The following ARIH2 variants were observed in gnomAD, a reference collection of about 807,000 sequenced individuals.
ARIH2 encodes the protein E3 ubiquitin-protein ligase ARIH2.
ARIH2 carries 12 observed loss-of-function variants against 79.8 expected under a neutral mutation model. The observed-to-expected ratio is 0.15, with a 90% CI of 0.10 to 0.24. The LOEUF (loss-of-function observed/expected upper bound fraction) is 0.24, where lower values mean the gene tolerates loss of function less well. Among genes scored for constraint, ARIH2 ranks in the 10% least tolerant of loss-of-function variants. The probability of loss-of-function intolerance (pLI) is 1.00; values close to 1 mark genes in which losing one functional copy is unlikely to be tolerated. For synonymous variants in ARIH2, 224 were observed against 213.9 expected (o/e 1.05, Z -0.41); for missense variants, 301 against 618.3 (o/e 0.49, Z 5.44).
At chr3:48,970,570 T>C (rs1224968550) in intron 7 of ARIH2, 25 bp from the exon 8 acceptor site, 1 of 1,506,136 alleles carries the variant, frequency 6.6e-7, no homozygotes, top group African/African-American at 1.4e-5. Flanking sequence ...GATGTCCTCA[T>C]TGTTTCCTCT....
intron 3 of ARIH2, among the ~76,000 whole-genome samples, chr3:48,959,702 A>G (rs912756800): frequency 2.0e-5 from 3 of 151,068 alleles, no homozygotes; most frequent in Admixed American, 6.6e-5. Context: ...GGCAGCATGC[A>G]CGGGTCAGAT....
chr3:48,934,222 T>G, intron 3 of ARIH2: 2 of 377,378 alleles, frequency 5.3e-6, no homozygotes, highest in Non-Finnish European at 7.3e-6. Context: ...ACGTGATCAA[T>G]TGGTGTTCAT....
chr3:48,972,888 C>A lies in ARIH2; in HGVS notation c.771-811C>A, dbSNP rs191482562. On this transcript the variant is annotated intron_variant, in intron 8 of 15. Transcript: ENST00000356401. ...TAGCACTACACCTGGCTAATTTTTT[C>A]ATTTTTTGTAGAGATGGGATCTCAC... is the stretch of plus-strand genomic sequence containing the variant. Among the ~76,000 whole-genome samples the A allele has an allele frequency of 2.1e-3, 321 of 152,196 alleles. 1 individual carries two copies. Among genetic ancestry groups the A allele is most frequent in the African/African-American group, 6.2e-3 (256 of 41,546 alleles).
At chr3:48,979,654 C>T (rs1205242781) in intron 12 of ARIH2, 21 bp downstream of exon 12, 2 of 1,612,548 alleles carry the variant, frequency 1.2e-6, no homozygotes, top group Non-Finnish European at 1.7e-6. Context: ...TCTCCTGTAC[C>T]TTCCCCTACA....
At chr3:48,946,265 CTA>C (rs1323396141) in intron 3 of ARIH2, among the ~76,000 whole-genome samples, 1 of 151,926 alleles carries the variant, frequency 6.6e-6, no homozygotes, top group Non-Finnish European at 1.5e-5. Context: ...GACACATTTA[CTA>C]TGTTATTCAT....
intron 3 of ARIH2, among the ~76,000 whole-genome samples, chr3:48,945,346 A>G (rs2088967567): frequency 6.6e-6 from 1 of 152,202 alleles, no homozygotes; most frequent in South Asian, 2.1e-4. Context: ...GATCACGTTC[A>G]TGGATATCCT....
intron 1 of ARIH2, among the ~76,000 whole-genome samples, chr3:48,919,803 C>G (rs1310239699): frequency 6.6e-5 from 10 of 152,038 alleles, no homozygotes; most frequent in Non-Finnish European, 1.3e-4. Context: ...TGTGCCAAGT[C>G]GTTTTTCTTC....
chr3:48,961,478 G>A lies in ARIH2; in HGVS notation c.256-134G>A, dbSNP rs545810126. The A allele has an allele frequency of 3.2e-4, 170 of 536,668 alleles. 3 individuals carry two copies. In the East Asian group the frequency reaches 5.0e-3, roughly 16 times the overall value. The allele number at this position is 536,668 out of a possible 1,614,324, so 33.2% of individuals were successfully genotyped here. Reference sequence around the variant, plus strand: ...GTCTAAACTTAAAAGACAAAGCAGAGAACCAAGAGGAGGAATTTGGTAATC... The same window carrying A: ...GTCTAAACTTAAAAGACAAAGCAGAAAACCAAGAGGAGGAATTTGGTAATC... On this transcript the variant is annotated intron_variant, in intron 3 of 15. Transcript: ENST00000356401.
At chr3:48,926,263 GTGTA>G (rs1320997493) in intron 2 of ARIH2, among the ~76,000 whole-genome samples, 2 of 151,964 alleles carry the variant, frequency 1.3e-5, no homozygotes, top group East Asian at 1.9e-4. Context: ...GTGTGTGTGT[GTGTA>G]TGTGTGTACG....
At chr3:48,928,560 A>G (rs748089799) in intron 3 of ARIH2, among the ~76,000 whole-genome samples, 1 of 152,208 alleles carries the variant, frequency 6.6e-6, no homozygotes, top group Admixed American at 6.5e-5. Context: ...TGTTTTCACT[A>G]ATCTTTTTTC....
At chr3:48,940,972 A>G (rs977513967) in intron 3 of ARIH2, among the ~76,000 whole-genome samples, 1 of 151,022 alleles carries the variant, frequency 6.6e-6, no homozygotes, top group Non-Finnish European at 1.5e-5. Context: ...GATCAAGACT[A>G]TCCTGGCTAA....
intron 3 of ARIH2, among the ~76,000 whole-genome samples, chr3:48,936,548 C>T (rs191993748): frequency 2.6e-5 from 4 of 152,130 alleles, no homozygotes; most frequent in Admixed American, 1.3e-4. Context: ...AGCTAGCTAA[C>T]ATGGTGAAAC....
intron 11 of ARIH2, among the ~76,000 whole-genome samples, chr3:48,978,643 T>C (rs555536204): frequency 6.6e-6 from 1 of 151,536 alleles, no homozygotes; most frequent in African/African-American, 2.4e-5. Context: ...TTATGAACCA[T>C]TGGATAGCTC....
chr3:48,958,919 C>A (rs2090925702), intron 3 of ARIH2, among the ~76,000 whole-genome samples: 1 of 151,550 alleles, frequency 6.6e-6, no homozygotes, highest in African/African-American at 2.4e-5. Flanking sequence ...GGAGGCTGAG[C>A]TGGGAGTATC....
intron 3 of ARIH2, among the ~76,000 whole-genome samples, chr3:48,934,093 A>G (rs1413386277): frequency 3.9e-5 from 6 of 152,086 alleles, no homozygotes; most frequent in Non-Finnish European, 8.8e-5. Flanking sequence ...TGCTGTGGAT[A>G]ATTTTTCCCC....
intron 3 of ARIH2, among the ~76,000 whole-genome samples, chr3:48,940,914 A>G (rs2107220572): frequency 6.6e-6 from 1 of 151,570 alleles, no homozygotes; most frequent in East Asian, 1.9e-4. Flanking sequence ...TCACACCTGT[A>G]ATCCCAGCAC....
chr3:48,962,865 T>A (rs2091414017), intron 4 of ARIH2, among the ~76,000 whole-genome samples: 1 of 151,960 alleles, frequency 6.6e-6, no homozygotes, highest in Non-Finnish European at 1.5e-5. Context: ...TATGGTATGT[T>A]TTTTTTTATT....
chr3:48,960,632 C>T (rs1559807848), intron 3 of ARIH2, among the ~76,000 whole-genome samples: 2 of 151,744 alleles, frequency 1.3e-5, no homozygotes, highest in Admixed American at 6.6e-5. Flanking sequence ...GGCATGGTGG[C>T]GCATGCCTGT....
At chr3:48,974,566 G>T in intron 9 of ARIH2, 1 of 561,260 alleles carries the variant, frequency 1.8e-6, no homozygotes, top group South Asian at 2.1e-5. Flanking sequence ...TAGCTTCATG[G>T]CAGGGGCAGA....
Sources: allele counts gnomAD v4.1 joint callset (sites outside exome capture counted in the v4.1 genomes callset), GRCh38; gene constraint gnomAD v4.1.1; transcripts MANE v1.5; gene names NCBI Gene and HGNC (gene_info 2026-07-23, HGNC 2026-07-21).